Variants in OSBPL3 observed in about 807,000 individuals in gnomAD.
OSBPL3 encodes oxysterol binding protein like 3, also known as oxysterol-binding protein-related protein 3.
In OSBPL3, 65 loss-of-function variants were observed where a neutral mutation model predicts 120.1. The observed-to-expected ratio is 0.54, with a 90% CI of 0.44 to 0.67. The LOEUF is 0.67. OSBPL3 is among the 30% of genes least tolerant of loss of function. The pLI is 0.00. For missense variants in OSBPL3, 1,004 were observed against 1,082.1 expected (o/e 0.93, Z 1.01); for synonymous variants, 416 against 402.6 (o/e 1.03, Z -0.40).
chr7:24,954,245 A>G (rs577710533), intron 1 of OSBPL3, among the ~76,000 whole-genome samples: 1 of 152,214 alleles, frequency 6.6e-6, no homozygotes, highest in African/African-American at 2.4e-5. Context: ...CTTTTTGCAT[A>G]TTAAGGTATT....
intron 5 of OSBPL3, among the ~76,000 whole-genome samples, chr7:24,868,190 G>A (rs1437575395): frequency 4.0e-5 from 6 of 151,852 alleles, no homozygotes; most frequent in Admixed American, 2.0e-4. Flanking sequence ...GGTGGTGTGC[G>A]CCTGTAGTCT....
intron 1 of OSBPL3, among the ~76,000 whole-genome samples, chr7:24,908,530 T>C (rs540205119): frequency 1.3e-5 from 2 of 152,312 alleles, no homozygotes; most frequent in African/African-American, 4.8e-5. Context: ...GGTCTAGATT[T>C]CCCCAAGACT....
At chr7:24,866,319 T>C in intron 5 of OSBPL3, 82 bp from the exon 6 acceptor site, 1 of 1,023,296 alleles carries the variant, frequency 9.8e-7, no homozygotes, top group Non-Finnish European at 1.5e-6. Context: ...GAGGCCACTC[T>C]CAAAATCCTC....
In OSBPL3 at chr7:24,900,760, G is replaced by A. The variant is rs879350392; in HGVS notation, c.-149-8139C>T. The stretch of plus-strand genomic sequence containing the variant: ...AGGTAGGTGGATCGCTTGAGCTCAC[G>A]AGTTCAAGACCAGCCTGGGCAACAA... On this transcript the variant is annotated intron_variant, in intron 1 of 22. Coordinates refer to ENST00000313367, the MANE Select transcript of OSBPL3 (RefSeq NM_015550.4). This position sits in a 1 kb window ranked among gnomAD's most constrained non-coding sequence, Gnocchi z 4.5. Among the ~76,000 whole-genome samples, 6 of 152,262 alleles carry A rather than the reference G, an allele frequency of 3.9e-5. No individual in the cohort carries two copies. Among genetic ancestry groups the A allele is most frequent in the Non-Finnish European group, 7.4e-5 (5 of 68,018 alleles).
Position 24,883,930 on chromosome 7 carries a change from G to C in OSBPL3, c.96+8447C>G, listed in dbSNP as rs1401424341. On this transcript the variant is annotated intron_variant, in intron 2 of 22. Transcript: ENST00000313367. The surrounding 1 kb of genome is among the most constrained non-coding windows in gnomAD (Gnocchi z 5.4). ...ATTTCTTCAGCCTTCCTGCCTCTGA[G>C]GTATGTTATAACCATAGGGGTGGCT... 1.3e-5 allele frequency among the ~76,000 whole-genome samples: 2 copies of C among 152,122 alleles called. No individual in the cohort carries two copies. The highest frequency in any genetic ancestry group is 2.9e-5 in the Non-Finnish European group (2 of 68,038).
At position 24,834,222 on chromosome 7, in the gene OSBPL3, G is replaced by A; in HGVS notation, c.1746+264C>T. ...ATCAGCCAGAAGGCTTCTGGAGAAAGAGGAAGCACAAACCCACAGAACAGA... is the reference window on the plus strand; with the variant it reads ...ATCAGCCAGAAGGCTTCTGGAGAAAAAGGAAGCACAAACCCACAGAACAGA... On this transcript the variant is annotated intron_variant, in intron 15 of 22. Coordinates refer to ENST00000313367, the MANE Select transcript of OSBPL3 (RefSeq NM_015550.4). This position sits in a 1 kb window ranked among gnomAD's most constrained non-coding sequence, Gnocchi z 5.2. 2.5e-6 allele frequency: 3 copies of A among 1,188,992 alleles called. No individual in the cohort carries two copies. The highest frequency in any genetic ancestry group is 3.2e-6 in the Non-Finnish European group (3 of 949,416). 73.7% of individuals were successfully genotyped at this position (1,188,992 alleles called of 1,614,324 possible).
chr7:24,902,047 GT>G (rs1807106274), intron 1 of OSBPL3, among the ~76,000 whole-genome samples: 1 of 152,208 alleles, frequency 6.6e-6, no homozygotes, highest in Admixed American at 6.5e-5. Context: ...CTTTAGGCAA[GT>G]TTTTAGTCTC....
intron 18 of OSBPL3, 46 bp downstream of exon 18, chr7:24,816,564 G>T: frequency 2.2e-6 from 3 of 1,347,342 alleles, no homozygotes; most frequent in African/African-American, 1.4e-5. Context: ...GCAAAATCTT[G>T]GCCCTAAATT....
intron 16 of OSBPL3, among the ~76,000 whole-genome samples, chr7:24,829,403 T>G (rs1796101650): frequency 6.6e-6 from 1 of 152,226 alleles, no homozygotes; most frequent in East Asian, 1.9e-4. Flanking sequence ...TGCTTTGGGT[T>G]ACTGTATATT....
At position 24,863,461 on chromosome 7, in the gene OSBPL3, G is replaced by A. The variant is rs374696063; in HGVS notation, c.777+35C>T. ...GGGAGGAGAAAGGAAAGCAGAAGAGGGCCAGAATGTCAACAGAAGAGGAGT... is the reference window on the plus strand; with the variant it reads ...GGGAGGAGAAAGGAAAGCAGAAGAGAGCCAGAATGTCAACAGAAGAGGAGT... On this transcript the variant is annotated intron_variant, in intron 8 of 22. Coordinates refer to ENST00000313367, the MANE Select transcript of OSBPL3 (RefSeq NM_015550.4). This position sits in a 1 kb window ranked among gnomAD's most constrained non-coding sequence, Gnocchi z 5.8. 6.5e-7 allele frequency: 1 copy of A among 1,527,180 alleles called. No individual in the cohort carries two copies. Among genetic ancestry groups the A allele is most frequent in the Non-Finnish European group, 9.1e-7 (1 of 1,100,740 alleles). 94.6% of individuals were successfully genotyped at this position (1,527,180 alleles called of 1,614,324 possible).
At chr7:24,886,668 C>T (rs2128324112) in intron 2 of OSBPL3, among the ~76,000 whole-genome samples, 1 of 152,244 alleles carries the variant, frequency 6.6e-6, no homozygotes, top group East Asian at 1.9e-4. Context: ...TAAACAGGAC[C>T]CAGTACTTAA....
At chr7:24,845,449 GTGTGTGTGTGTA>G (rs950492049) in intron 12 of OSBPL3, among the ~76,000 whole-genome samples, 81 of 121,122 alleles carry the variant, frequency 6.7e-4, no homozygotes, top group African/African-American at 3.2e-3. Context: ...GTGTGTATGT[GTGTGTGTGTGTA>G]TGTGTGTGTG....
chr7:24,909,152 T>C (rs1411605771), intron 1 of OSBPL3, among the ~76,000 whole-genome samples: 2 of 152,242 alleles, frequency 1.3e-5, no homozygotes, highest in Non-Finnish European at 2.9e-5. Context: ...CTGATAGATC[T>C]GATATTTTGG....
intron 2 of OSBPL3, among the ~76,000 whole-genome samples, chr7:24,888,054 A>T (rs1163102637): frequency 6.6e-6 from 1 of 152,162 alleles, no homozygotes; most frequent in East Asian, 1.9e-4. Context: ...TTTTATTTTA[A>T]AAGTATATAT....
chr7:24,867,241 C>G lies in OSBPL3; in HGVS notation c.382-1004G>C, dbSNP rs1282252949. On this transcript the variant is annotated intron_variant, in intron 5 of 22. Transcript: ENST00000313367. The surrounding 1 kb of genome is among the most constrained non-coding windows in gnomAD (Gnocchi z 4.5). Reference sequence around the variant, plus strand: ...CTATCCCTACTGAAAATATTAGCACCATTTTTCTTTTTAAACTCTTTTATA... The same window carrying G: ...CTATCCCTACTGAAAATATTAGCACGATTTTTCTTTTTAAACTCTTTTATA... 6.6e-6 allele frequency among the ~76,000 whole-genome samples: 1 copy of G among 152,194 alleles called. No individual in the cohort carries two copies. Among genetic ancestry groups the G allele is most frequent in the African/African-American group, 2.4e-5 (1 of 41,442 alleles).
rs139250937 is a variant in OSBPL3, at chr7:24,815,710, A to C, written c.2028-507T>G. Among the ~76,000 whole-genome samples the C allele has an allele frequency of 2.8e-3, 433 of 152,352 alleles. 2 individuals are homozygous for C. The highest frequency in any genetic ancestry group is 8.8e-3 in the African/African-American group (366 of 41,588). Reference sequence around the variant, plus strand: ...ACCAGATACTTACAAAACATATGCAATGTGCTAAGTACTATTTTAGGTGTT... The same window carrying C: ...ACCAGATACTTACAAAACATATGCACTGTGCTAAGTACTATTTTAGGTGTT... On this transcript the variant is annotated intron_variant, in intron 18 of 22. Transcript: ENST00000313367. The surrounding 1 kb of genome is among the most constrained non-coding windows in gnomAD (Gnocchi z 5.1).
chr7:24,926,642 T>C (rs892021649), intron 1 of OSBPL3, among the ~76,000 whole-genome samples: 8 of 152,194 alleles, frequency 5.3e-5, no homozygotes, highest in Non-Finnish European at 1.2e-4. Context: ...GTGGCCACTG[T>C]ATAAGGTCGC....
rs948196767 is a variant in OSBPL3 at position 24,834,504 on chromosome 7, G to A, written c.1728C>T (p.Pro576=). ...TCCTCACCATCCTTTCCAGGGGGCT[G>A]GGAATCTGCGCGGCCTTGTCCAGGA... is the stretch of plus-strand genomic sequence containing the variant. ...SELLDKAAQI[P]SPLERMVYVA... Residue 576 remains proline (P), a synonymous_variant, in exon 15 of 23, where the codon CCC becomes CCT. Transcript: ENST00000313367. The surrounding 1 kb of genome is among the most constrained non-coding windows in gnomAD (Gnocchi z 5.2). 6 of 1,611,738 alleles carry A rather than the reference G, an allele frequency of 3.7e-6. No individual in the cohort carries two copies. The African/African-American group carries it at 6.7e-5, about 18-fold the overall frequency.
At chr7:24,973,268 G>C (rs571072776) in intron 1 of OSBPL3, among the ~76,000 whole-genome samples, 1 of 152,162 alleles carries the variant, frequency 6.6e-6, no homozygotes, top group South Asian at 2.1e-4. Context: ...TTTTTCATAA[G>C]TAAACACAGA....
Sources: gnomAD v4.1 joint callset for allele counts (sites outside exome capture counted in the v4.1 genomes callset) on GRCh38, gnomAD v4.1.1 for gene constraint, Gnocchi (gnomAD v3.1) non-coding constraint, MANE v1.5 for transcripts, NCBI Gene and HGNC (gene_info 2026-07-23, HGNC 2026-07-21) for gene names.